The following FAXC variants were observed in gnomAD, a reference collection of about 807,000 sequenced individuals.
FAXC encodes the protein failed axon connections homolog, metaxin like GST domain containing, also known as failed axon connections homolog.
A neutral mutation model predicts 41.9 loss-of-function variants in FAXC; 10 were observed. The observed-to-expected ratio is 0.24, with a 90% CI of 0.15 to 0.41. The LOEUF (loss-of-function observed/expected upper bound fraction) is 0.41, where lower values mean the gene tolerates loss of function less well. Ranked by LOEUF, FAXC falls within the 10% of genes least tolerant of loss-of-function variation. The pLI is 1.00. For missense variants in FAXC, 399 were observed against 510.9 expected (o/e 0.78, Z 2.11); for synonymous variants, 183 against 183.8 (o/e 1.00, Z 0.03).
chr6:99,349,920 G>T (rs1394424434), upstream of FAXC: 1 of 152,150 alleles, frequency 6.6e-6, no homozygotes, highest in East Asian at 1.9e-4. Context: ...GCTGCAGTCG[G>T]GGCCCGGATC....
intron 1 of FAXC, 41 bp downstream of exon 1, chr6:99,349,066 C>T (rs766574509): frequency 1.1e-4 from 170 of 1,592,304 alleles, no homozygotes; most frequent in Non-Finnish European, 1.3e-4. Context: ...AGCCAGGTGC[C>T]CCTCTCTGCG....
At position 99,338,069 on chromosome 6, in the gene FAXC, G is replaced by A. The variant is rs539771093; in HGVS notation, c.403-4522C>T. Among the ~76,000 whole-genome samples, 280 of 152,154 alleles carry A rather than the reference G, an allele frequency of 1.8e-3. 2 individuals are homozygous for A. Among genetic ancestry groups the A allele is most frequent in the Middle Eastern group, 0.01 (3 of 294 alleles). On this transcript the variant is annotated intron_variant, in intron 2 of 5. Transcript: ENST00000389677. Reference sequence around the variant, plus strand: ...GCATCAGTACAAATCCCCACTAAGGGAATGGGAATCAAGGTACCCCTAACC... The same window carrying A: ...GCATCAGTACAAATCCCCACTAAGGAAATGGGAATCAAGGTACCCCTAACC...
chr6:99,340,289 TG>T (rs778379669), intron 2 of FAXC, among the ~76,000 whole-genome samples: 9 of 151,950 alleles, frequency 5.9e-5, no homozygotes, highest in Non-Finnish European at 8.8e-5. Context: ...TTAATAGAGA[TG>T]GGGTTTCACC....
In FAXC at chr6:99,279,876, T is replaced by G. The variant is rs1269310422; in HGVS notation, c.*1288A>C. 1 of 152,246 alleles carries G rather than the reference T, an allele frequency of 6.6e-6. No homozygotes were observed. Among genetic ancestry groups the G allele is most frequent in the East Asian group, 1.9e-4 (1 of 5,202 alleles). The allele number at this position is 152,246 out of a possible 1,614,324, so 9.4% of individuals were successfully genotyped here. On this transcript the variant is annotated 3_prime_UTR_variant, in exon 6 of 6. Coordinates refer to ENST00000389677, the MANE Select transcript of FAXC (RefSeq NM_032511.4). ...ACCAGAAAAGTTGCATTAATAAAAC[T>G]GCATATAGTCTAACACTGCACAGAG...
chr6:99,311,452 G>A (rs1457487777), intron 4 of FAXC, among the ~76,000 whole-genome samples: 1 of 152,184 alleles, frequency 6.6e-6, no homozygotes, highest in Non-Finnish European at 1.5e-5. Context: ...GTGGGCACCT[G>A]TAATCCCAGC....
At chr6:99,288,398 G>A (rs1771101629) in intron 5 of FAXC, among the ~76,000 whole-genome samples, 1 of 152,042 alleles carries the variant, frequency 6.6e-6, no homozygotes, top group Non-Finnish European at 1.5e-5. Context: ...TATACATGTG[G>A]GTGTGTAAGG....
Position 99,280,169 on chromosome 6 carries a change from G to A in FAXC, c.*995C>T, listed in dbSNP as rs969907661. ...AGAACCACTTTTCTGCAAATACATG[G>A]TAGAATTGAAGACTGTTTGTAGCTG... On this transcript the variant is annotated 3_prime_UTR_variant, in exon 6 of 6. Transcript: ENST00000389677. 1 of 152,196 alleles carries A rather than the reference G, an allele frequency of 6.6e-6. No individual in the cohort carries two copies. The highest frequency in any genetic ancestry group is 1.5e-5 in the Non-Finnish European group (1 of 68,040). The allele number at this position is 152,196 out of a possible 1,614,324, so 9.4% of individuals were successfully genotyped here.
chr6:99,286,493 A>C (rs1390741522), intron 5 of FAXC, among the ~76,000 whole-genome samples: 1 of 152,250 alleles, frequency 6.6e-6, no homozygotes. Flanking sequence ...TCAAGTATTA[A>C]GTAAAAAGGA....
At chr6:99,297,432 CA>C (rs1035235244) in intron 4 of FAXC, among the ~76,000 whole-genome samples, 2 of 152,062 alleles carry the variant, frequency 1.3e-5, no homozygotes, top group African/African-American at 4.8e-5. Flanking sequence ...AGACTTAGGC[CA>C]AATTGAGGGA....
At chr6:99,346,301 G>C (rs1049626131) in intron 1 of FAXC, among the ~76,000 whole-genome samples, 1 of 152,074 alleles carries the variant, frequency 6.6e-6, no homozygotes, top group Non-Finnish European at 1.5e-5. Flanking sequence ...TGCAAGAAAG[G>C]CACCTGATAC....
intron 4 of FAXC, among the ~76,000 whole-genome samples, chr6:99,311,504 G>T (rs1228409606): frequency 1.3e-5 from 2 of 152,202 alleles, no homozygotes; most frequent in East Asian, 3.8e-4. Flanking sequence ...GAACTTGGGA[G>T]GTGGAGGTTG....
rs770270220 is a variant in FAXC at position 99,349,298 on chromosome 6, G to A, written c.75C>T (p.Phe25=). Residue 25 remains phenylalanine (F), a synonymous_variant, in exon 1 of 6, where the codon TTC becomes TTT. Transcript: ENST00000389677. ...CCTCGGACCCGGCCCACCAGCCGAA[G>A]AAGGAGATGCTCTGGTTCCAGCTCA... ...VDLSWNQSIS[F]FGWWAGSEEP... is the part of the protein sequence containing the mutation. The A allele has an allele frequency of 5.0e-6, 8 of 1,613,290 alleles. No individual in the cohort carries two copies. Among genetic ancestry groups the A allele is most frequent in the African/African-American group, 2.7e-5 (2 of 74,938 alleles).
chr6:99,276,317 A>G lies in FAXC; in HGVS notation c.*4847T>C, dbSNP rs1770617070. On this transcript the variant is annotated 3_prime_UTR_variant, in exon 6 of 6. Coordinates refer to ENST00000389677, the MANE Select transcript of FAXC (RefSeq NM_032511.4). ...TGCAGACCTTTCTTCTTTAAGGAAG[A>G]AAAATCCAGCCTCTTCTCTCCCACC... 1 of 152,188 alleles carries G rather than the reference A, an allele frequency of 6.6e-6. No homozygotes were observed. The highest frequency in any genetic ancestry group is 2.1e-4 in the South Asian group (1 of 4,826). 9.4% of individuals were successfully genotyped at this position (152,188 alleles called of 1,614,324 possible).
intron 2 of FAXC, among the ~76,000 whole-genome samples, chr6:99,341,542 CAA>C (rs1189592992): frequency 1.3e-5 from 2 of 151,940 alleles, no homozygotes; most frequent in Non-Finnish European, 2.9e-5. Context: ...GAAAAATAAA[CAA>C]GAGTAAAAGA....
intron 5 of FAXC, among the ~76,000 whole-genome samples, chr6:99,288,847 G>GACACACACACAC (rs11274408): frequency 2.1e-3 from 146 of 69,512 alleles, no homozygotes; most frequent in African/African-American, 7.7e-3. Flanking sequence ...CACATGAATC[G>GACACACACACAC]ACACACACAC....
At chr6:99,330,011 G>A (rs1382298233) in intron 3 of FAXC, among the ~76,000 whole-genome samples, 2 of 150,920 alleles carry the variant, frequency 1.3e-5, no homozygotes, top group South Asian at 2.1e-4. Flanking sequence ...AGATCCTCCC[G>A]CCTCAGTCGC....
intron 4 of FAXC, among the ~76,000 whole-genome samples, chr6:99,295,294 T>G (rs771061614): frequency 1.3e-5 from 2 of 152,234 alleles, no homozygotes; most frequent in African/African-American, 4.8e-5. Context: ...TCATAATACC[T>G]GATGGCAGAA....
chr6:99,282,253 G>C (rs559040253), intron 5 of FAXC, among the ~76,000 whole-genome samples: 1 of 152,224 alleles, frequency 6.6e-6, no homozygotes, highest in Admixed American at 6.5e-5. Flanking sequence ...ACTGTTGGTT[G>C]CATTAAGTCA....
Position 99,323,585 on chromosome 6 carries a change from T to C in FAXC, c.682A>G (p.Asn228Asp), listed in dbSNP as rs1772671401. The stretch of plus-strand genomic sequence containing the variant: ...TGGCACACAACCCACCTCAGCAGGT[T>C]GCTGAAGGGACCACCACCACTAAGA... ...LSLSGGGPFS[N>D]LLRWVVCHIT... Residue 228 changes from asparagine to aspartate, a missense_variant, in exon 4 of 6, where the codon AAC (asparagine) becomes GAC (aspartate). Coordinates refer to ENST00000389677, the MANE Select transcript of FAXC (RefSeq NM_032511.4). 5 of 1,614,100 alleles carry C rather than the reference T, an allele frequency of 3.1e-6. No homozygotes were observed. The South Asian group carries it at 5.5e-5, about 18-fold the overall frequency.
Sources: allele counts gnomAD v4.1 joint callset (sites outside exome capture counted in the v4.1 genomes callset), GRCh38; gene constraint gnomAD v4.1.1; transcripts MANE v1.5; gene names NCBI Gene and HGNC (gene_info 2026-07-23, HGNC 2026-07-21).